Variants in TRPM7 observed in about 807,000 individuals in gnomAD.
TRPM7 encodes the protein LTRPC ion channel family member 7.
Under a neutral mutation model 229.7 loss-of-function variants are expected in TRPM7, and 134 were observed. That is an observed-to-expected ratio of 0.58 (90% CI 0.51 to 0.67). The LOEUF is 0.67. TRPM7 is among the 30% of genes least tolerant of loss of function. The probability of loss-of-function intolerance (pLI) is 0.00; values close to 1 mark genes in which losing one functional copy is unlikely to be tolerated. For synonymous variants in TRPM7, 699 were observed against 715.2 expected (o/e 0.98, Z 0.36); for missense variants, 1,901 against 2,210.0 (o/e 0.86, Z 2.80).
chr15:50,645,038 A>G (rs1421065870), intron 4 of TRPM7, among the ~76,000 whole-genome samples: 2 of 151,514 alleles, frequency 1.3e-5, no homozygotes, highest in Non-Finnish European at 2.9e-5. Flanking sequence ...AGCAGCTGGG[A>G]CTACAGACAC....
intron 3 of TRPM7, among the ~76,000 whole-genome samples, chr15:50,650,707 A>C (rs1297710307): frequency 1.3e-5 from 2 of 151,812 alleles, no homozygotes; most frequent in East Asian, 3.9e-4. Context: ...AAAAAACAAA[A>C]AAAAACAAAA....
At chr15:50,674,795 G>A (rs1354782862) in intron 1 of TRPM7, among the ~76,000 whole-genome samples, 1 of 152,134 alleles carries the variant, frequency 6.6e-6, no homozygotes, top group Admixed American at 6.6e-5. Flanking sequence ...GCCAGGTACA[G>A]TATTCTTGGA....
At chr15:50,619,387 ATTTT>A (rs1328278043) in intron 13 of TRPM7, among the ~76,000 whole-genome samples, 1 of 151,656 alleles carries the variant, frequency 6.6e-6, no homozygotes, top group African/African-American at 2.4e-5. Flanking sequence ...TGCCCAGGTA[ATTTT>A]TTTAACTTTT....
chr15:50,667,798 C>G (rs1416949204), intron 1 of TRPM7, among the ~76,000 whole-genome samples: 2 of 152,122 alleles, frequency 1.3e-5, no homozygotes, highest in African/African-American at 4.8e-5. Context: ...TTTCACATAT[C>G]AATAATGCAC....
At chr15:50,676,279 G>C (rs2062091681) in intron 1 of TRPM7, among the ~76,000 whole-genome samples, 1 of 152,224 alleles carries the variant, frequency 6.6e-6, no homozygotes, top group South Asian at 2.1e-4. Context: ...AAATTCTGCT[G>C]TTAAGGTAAC....
Position 50,612,692 on chromosome 15 carries a change from G to T in TRPM7, c.1908C>A (p.Val636=), listed in dbSNP as rs2060094309. The change falls in exon 16 of 39, where the codon GTC becomes GTA. Residue 636 remains valine (V), a synonymous_variant. Coordinates refer to ENST00000646667, the MANE Select transcript of TRPM7 (RefSeq NM_017672.6). Reference sequence around the variant, plus strand: ...CATGTTGCCATAAAAAACGGGCCATGACCTGCCTCTTCATAAGGCAAGCCC... The same window carrying T: ...CATGTTGCCATAAAAAACGGGCCATTACCTGCCTCTTCATAAGGCAAGCCC... ...LIWACLMKRQ[V]MARFLWQHGE... 1 of 1,614,138 alleles carries T rather than the reference G, an allele frequency of 6.2e-7. No individual in the cohort carries two copies. The highest frequency in any genetic ancestry group is 1.7e-5 in the Admixed American group (1 of 60,022).
At chr15:50,629,540 A>G (rs2060664298) in intron 10 of TRPM7, among the ~76,000 whole-genome samples, 1 of 135,040 alleles carries the variant, frequency 7.4e-6, no homozygotes, top group Non-Finnish European at 1.6e-5. Context: ...CCCAAAATTT[A>G]TTACTGTAAC....
rs1321243662 is a variant in TRPM7 at position 50,558,072 on chromosome 15, T to A, written c.*3606A>T. 1 of 152,224 alleles carries A rather than the reference T, an allele frequency of 6.6e-6. No homozygotes were observed. Among genetic ancestry groups the A allele is most frequent in the Non-Finnish European group, 1.5e-5 (1 of 68,046 alleles). The allele number at this position is 152,224 out of a possible 1,614,324, so 9.4% of individuals were successfully genotyped here. A position where few individuals can be genotyped will look rare whatever the true frequency, so the allele number is the denominator to read the frequency against. On this transcript the variant is annotated 3_prime_UTR_variant, in exon 39 of 39. Coordinates refer to ENST00000646667, the MANE Select transcript of TRPM7 (RefSeq NM_017672.6). ...ATCATAGGGTAGTAATAATGAACTT[T>A]AATAATCTTAAAAAAATACTTATTG...
At chr15:50,612,171 G>A (rs941935877) in intron 16 of TRPM7, among the ~76,000 whole-genome samples, 1 of 152,122 alleles carries the variant, frequency 6.6e-6, no homozygotes, top group South Asian at 2.1e-4. Context: ...GCTCACTGCA[G>A]CCTTAACCTC....
intron 3 of TRPM7, among the ~76,000 whole-genome samples, chr15:50,650,064 G>A (rs770009070): frequency 1.5e-4 from 23 of 151,228 alleles, no homozygotes; most frequent in South Asian, 4.2e-4. Context: ...ATGGTGGCGC[G>A]TGCCTGTAAT....
intron 31 of TRPM7, among the ~76,000 whole-genome samples, chr15:50,578,032 C>T (rs963182384): frequency 1.2e-4 from 19 of 152,088 alleles, no homozygotes; most frequent in African/African-American, 4.6e-4. Flanking sequence ...CACGCACATA[C>T]ACCCCAAAAT....
At chr15:50,680,149 A>G (rs7182709) in intron 1 of TRPM7, among the ~76,000 whole-genome samples, 4,583 of 152,068 alleles carry the variant, frequency 0.03, 244 homozygotes, top group African/African-American at 0.11. Flanking sequence ...GAGGAGAATC[A>G]CTTGAACCCG....
intron 21 of TRPM7, 106 bp from the exon 22 acceptor site, chr15:50,599,402 C>T: frequency 1.4e-6 from 1 of 719,640 alleles, no homozygotes; most frequent in South Asian, 3.3e-5. Context: ...CCATTAAACA[C>T]AAAAAATCTT....
At chr15:50,627,010 A>G (rs2060580120) in intron 11 of TRPM7, among the ~76,000 whole-genome samples, 1 of 152,180 alleles carries the variant, frequency 6.6e-6, no homozygotes, top group Non-Finnish European at 1.5e-5. Context: ...TTTGCTGTTT[A>G]TATTTACTAT....
intron 13 of TRPM7, among the ~76,000 whole-genome samples, chr15:50,616,682 T>C (rs1041541832): frequency 4.7e-4 from 7 of 14,782 alleles, no homozygotes; most frequent in Admixed American, 1.5e-3. Context: ...AAAAAATGTA[T>C]GCTTTTTTTT....
rs570861548 is a variant in TRPM7 at position 50,608,052 on chromosome 15, CAAAAAAA to C, written c.2581-731_2581-725del. The stretch of plus-strand genomic sequence containing the variant: ...CCTGGGCAACAGAGCGAGACTCTGT[CAAAAAAA>C]AAAAAAAAAAAGAAAGAAAGAAAGA... On this transcript the variant is annotated intron_variant, in intron 19 of 38. Coordinates refer to ENST00000646667, the MANE Select transcript of TRPM7 (RefSeq NM_017672.6). Among the ~76,000 whole-genome samples, 138 of 76,278 alleles carry C rather than the reference CAAAAAAA, an allele frequency of 1.8e-3. 1 individual carries two copies. The highest frequency in any genetic ancestry group is 7.5e-3 in the African/African-American group (127 of 16,870). 50.0% of individuals were successfully genotyped at this position (76,278 alleles called of 152,430 possible). A position where few individuals can be genotyped will look rare whatever the true frequency, so the allele number is the denominator to read the frequency against.
intron 38 of TRPM7, among the ~76,000 whole-genome samples, chr15:50,565,822 C>CTTTT (rs780775871): frequency 7.7e-6 from 1 of 129,842 alleles, no homozygotes. Flanking sequence ...ACCATAAACT[C>CTTTT]TTTTTGTTTT....
intron 33 of TRPM7, among the ~76,000 whole-genome samples, chr15:50,575,460 T>G (rs1041155209): frequency 5.9e-5 from 9 of 152,216 alleles, no homozygotes; most frequent in African/African-American, 2.2e-4. Context: ...TCAGTTTATA[T>G]AAATTACTAG....
At position 50,639,563 on chromosome 15, in the gene TRPM7, A is replaced by C. The variant is rs769345610; in HGVS notation, c.536-15T>G. On this transcript the variant is annotated splice_polypyrimidine_tract_variant and intron_variant, in intron 5 of 38. Coordinates refer to ENST00000646667, the MANE Select transcript of TRPM7 (RefSeq NM_017672.6). Reference sequence around the variant, plus strand: ...TTTTGCCACACCTGTTCATAAAAAAAGTTTATTCATTTTGTTTTTTTTATT... The same window carrying C: ...TTTTGCCACACCTGTTCATAAAAAACGTTTATTCATTTTGTTTTTTTTATT... 38 of 1,599,066 alleles carry C rather than the reference A, an allele frequency of 2.4e-5. No individual in the cohort carries two copies. Among genetic ancestry groups the C allele is most frequent in the Non-Finnish European group, 3.0e-5 (35 of 1,173,730 alleles).
Sources: gnomAD v4.1 joint callset for allele counts (sites outside exome capture counted in the v4.1 genomes callset) on GRCh38, gnomAD v4.1.1 for gene constraint, MANE v1.5 for transcripts, NCBI Gene and HGNC (gene_info 2026-07-23, HGNC 2026-07-21) for gene names.